ITPR2: variants seen among roughly 807,000 people sequenced by gnomAD.
ITPR2 encodes the protein inositol 1,4,5-trisphosphate-gated calcium channel ITPR2.
In ITPR2, 207 loss-of-function variants were observed where a neutral mutation model predicts 317.1. The ratio of observed to expected loss-of-function variants is 0.65; its 90% CI spans 0.58 to 0.73. The LOEUF is 0.73. Ranked by LOEUF, ITPR2 falls within the 30% of genes least tolerant of loss-of-function variation. The pLI, the probability that ITPR2 is intolerant of heterozygous loss-of-function variation, is 0.00. For synonymous variants in ITPR2, 1,156 were observed against 1,149.1 expected, an observed-to-expected ratio of 1.01 and a Z score of -0.12; for missense variants, 2,613 against 3,284.0, an observed-to-expected ratio of 0.80 and a Z score of 4.99.
chr12:26,404,617 C>T (rs1234890482), intron 52 of ITPR2, among the ~76,000 whole-genome samples: 1 of 151,968 alleles, frequency 6.6e-6, no homozygotes, highest in Non-Finnish European at 1.5e-5. Flanking sequence ...GAGGGTCGGT[C>T]AACTGTTTTA....
At chr12:26,350,880 G>A (rs1938457851) in intron 55 of ITPR2, among the ~76,000 whole-genome samples, 1 of 152,232 alleles carries the variant, frequency 6.6e-6, no homozygotes, top group South Asian at 2.1e-4. Flanking sequence ...AGCCTTAGCT[G>A]TCTACAGAAT....
chr12:26,397,058 G>A (rs1000025588), intron 54 of ITPR2, among the ~76,000 whole-genome samples: 2 of 151,002 alleles, frequency 1.3e-5, no homozygotes, highest in Admixed American at 6.6e-5. Context: ...GTTTCCTGAT[G>A]AATGACCTCC....
rs181500768 is a variant in ITPR2 at position 26,513,367 on chromosome 12, T to G, written c.5074-18107A>C. 6.6e-5 allele frequency among the ~76,000 whole-genome samples: 10 copies of G among 152,272 alleles called. No homozygotes were observed. In the East Asian group the frequency reaches 1.9e-3, roughly 29 times the overall value. On this transcript the variant is annotated intron_variant, in intron 37 of 56. Transcript: ENST00000381340. ...TTTTAACCCAGTGAAAAAAGAATAT[T>G]AATATTCTTTTTATTCTGGAAAATG... is the stretch of plus-strand genomic sequence containing the variant.
chr12:26,479,534 T>A (rs1942499238), intron 43 of ITPR2, among the ~76,000 whole-genome samples: 1 of 152,196 alleles, frequency 6.6e-6, no homozygotes, highest in Non-Finnish European at 1.5e-5. Flanking sequence ...TGTTGTTTCT[T>A]AATGAATTAT....
intron 37 of ITPR2, among the ~76,000 whole-genome samples, chr12:26,537,717 G>T (rs1368429188): frequency 1.3e-5 from 2 of 152,098 alleles, no homozygotes; most frequent in Admixed American, 6.5e-5. Flanking sequence ...TTTGTTTTCT[G>T]TATTCCATGA....
At chr12:26,751,310 A>G (rs899090294) in intron 2 of ITPR2, among the ~76,000 whole-genome samples, 7 of 152,132 alleles carry the variant, frequency 4.6e-5, no homozygotes, top group African/African-American at 1.7e-4. Flanking sequence ...CTAATAACAA[A>G]CCTACACATG....
intron 37 of ITPR2, among the ~76,000 whole-genome samples, chr12:26,531,462 T>C (rs1234366234): frequency 6.6e-6 from 1 of 152,262 alleles, no homozygotes; most frequent in Non-Finnish European, 1.5e-5. Context: ...CTTCTTAAAA[T>C]GCTCCTTGAT....
intron 55 of ITPR2, among the ~76,000 whole-genome samples, chr12:26,351,387 C>A (rs1265423325): frequency 6.6e-6 from 1 of 152,256 alleles, no homozygotes; most frequent in African/African-American, 2.4e-5. Context: ...AGCAAGGGGC[C>A]TGCCCAGCAT....
chr12:26,667,997 A>G (rs555754569), intron 13 of ITPR2, among the ~76,000 whole-genome samples: 6 of 152,278 alleles, frequency 3.9e-5, no homozygotes, highest in South Asian at 4.1e-4. Context: ...TTCTCTTTTG[A>G]CCTCTGAAAC....
chr12:26,657,048 T>C (rs1019506765), intron 18 of ITPR2, among the ~76,000 whole-genome samples: 2 of 152,244 alleles, frequency 1.3e-5, no homozygotes, highest in African/African-American at 4.8e-5. Context: ...ATTTGGTTGC[T>C]ATAGCTGTAG....
chr12:26,618,280 T>C (rs1809830583), intron 26 of ITPR2, among the ~76,000 whole-genome samples: 1 of 152,196 alleles, frequency 6.6e-6, no homozygotes, highest in Non-Finnish European at 1.5e-5. Flanking sequence ...TAAAATATCA[T>C]GTTCAAGTTT....
At chr12:26,372,282 T>C (rs1227451730) in intron 55 of ITPR2, among the ~76,000 whole-genome samples, 2 of 152,236 alleles carry the variant, frequency 1.3e-5, no homozygotes, top group Non-Finnish European at 2.9e-5. Flanking sequence ...TCCATTGCCC[T>C]AGATCATGGT....
At chr12:26,381,134 G>T (rs1004293729) in intron 55 of ITPR2, among the ~76,000 whole-genome samples, 1 of 152,160 alleles carries the variant, frequency 6.6e-6, no homozygotes, top group Non-Finnish European at 1.5e-5. Context: ...GGCCACAGAT[G>T]GATTAATGTG....
At chr12:26,402,388 A>AG (rs1254549606) in intron 52 of ITPR2, among the ~76,000 whole-genome samples, 1 of 152,170 alleles carries the variant, frequency 6.6e-6, no homozygotes, top group Non-Finnish European at 1.5e-5. Context: ...GTCATGTCAC[A>AG]GGTGTTTGTT....
At chr12:26,376,588 T>C (rs1360735500) in intron 55 of ITPR2, among the ~76,000 whole-genome samples, 1 of 152,248 alleles carries the variant, frequency 6.6e-6, no homozygotes, top group African/African-American at 2.4e-5. Context: ...CCATTTCGTA[T>C]ACTGCTATAG....
chr12:26,782,037 T>TATAG (rs1950102369), intron 2 of ITPR2, among the ~76,000 whole-genome samples: 5 of 51,730 alleles, frequency 9.7e-5, no homozygotes, highest in African/African-American at 1.7e-4. Flanking sequence ...TATATATGTA[T>TATAG]AGAGAGAGAG....
rs897428981 is a variant in ITPR2, at chr12:26,335,645, C to T, written c.*3752G>A. Reference sequence around the variant, plus strand: ...CTTCTATTAAGTGAGATAGCTTTCTCAATAATTATATCAGAAACAGCAGCA... The same window carrying T: ...CTTCTATTAAGTGAGATAGCTTTCTTAATAATTATATCAGAAACAGCAGCA... On this transcript the variant is annotated 3_prime_UTR_variant, in exon 57 of 57. Coordinates refer to ENST00000381340, the MANE Select transcript of ITPR2 (RefSeq NM_002223.4). 1.3e-5 allele frequency among the ~76,000 whole-genome samples: 2 copies of T among 152,182 alleles called. No individual in the cohort carries two copies. Among genetic ancestry groups the T allele is most frequent in the African/African-American group, 4.8e-5 (2 of 41,442 alleles).
chr12:26,432,230 T>C (rs1406113178), intron 48 of ITPR2, among the ~76,000 whole-genome samples: 1 of 108,284 alleles, frequency 9.2e-6, no homozygotes, highest in Non-Finnish European at 2.4e-5. Context: ...TTGTCACGTC[T>C]CTTTAGTATC....
At chr12:26,702,369 T>C (rs1387827880) in intron 9 of ITPR2, among the ~76,000 whole-genome samples, 1 of 144,236 alleles carries the variant, frequency 6.9e-6, no homozygotes, top group East Asian at 2.0e-4. Flanking sequence ...GTTTCTAGCA[T>C]TGAGGTTTTT....
Sources: gnomAD v4.1 joint callset for allele counts (sites outside exome capture counted in the v4.1 genomes callset) on GRCh38, gnomAD v4.1.1 for gene constraint, MANE v1.5 for transcripts, NCBI Gene and HGNC (gene_info 2026-07-23, HGNC 2026-07-21) for gene names.